Variants in PDE3A observed in about 807,000 individuals in gnomAD.
PDE3A encodes cGMP-inhibited 3',5'-cyclic phosphodiesterase 3A.
In PDE3A, 43 loss-of-function variants were observed where a neutral mutation model predicts 98.3. The ratio of observed to expected loss-of-function variants is 0.44; its 90% CI spans 0.34 to 0.56. The LOEUF (loss-of-function observed/expected upper bound fraction) is 0.56, where lower values mean the gene tolerates loss of function less well. PDE3A is among the 20% of genes least tolerant of loss of function. PDE3A has a pLI of 0.01. For synonymous variants in PDE3A, 663 were observed against 567.9 expected (o/e 1.17, Z -2.38); for missense variants, 1,427 against 1,440.7 (o/e 0.99, Z 0.15).
intron 1 of PDE3A, among the ~76,000 whole-genome samples, chr12:20,500,528 A>T (rs1375937939): frequency 6.6e-6 from 1 of 151,892 alleles, no homozygotes; most frequent in African/African-American, 2.4e-5. Flanking sequence ...GACTTCAAAT[A>T]TTTTCTTCCA....
intron 14 of PDE3A, among the ~76,000 whole-genome samples, chr12:20,651,601 T>A (rs1239627332): frequency 6.6e-6 from 1 of 152,142 alleles, no homozygotes; most frequent in Non-Finnish European, 1.5e-5. Context: ...GGAGGTAGTG[T>A]TCAGGTCAAT....
intron 1 of PDE3A, among the ~76,000 whole-genome samples, chr12:20,487,664 AT>A (rs764290403): frequency 0.21 from 26,800 of 129,818 alleles, 2,641 homozygotes; most frequent in Admixed American, 0.31. Flanking sequence ...AGAAAAAAAA[AT>A]AAATAAATAA....
At chr12:20,413,066 G>C (rs1467218689) in intron 1 of PDE3A, among the ~76,000 whole-genome samples, 1 of 152,180 alleles carries the variant, frequency 6.6e-6, no homozygotes, top group African/African-American at 2.4e-5. Flanking sequence ...ACACTATTCT[G>C]TCCTTTTGGA....
intron 1 of PDE3A, among the ~76,000 whole-genome samples, chr12:20,469,975 C>T (rs1945408205): frequency 6.6e-6 from 1 of 152,168 alleles, no homozygotes; most frequent in African/African-American, 2.4e-5. Flanking sequence ...CATTCTCTGC[C>T]AATAATGACT....
At chr12:20,667,080 A>G (rs1945333359) in intron 15 of PDE3A, among the ~76,000 whole-genome samples, 1 of 152,096 alleles carries the variant, frequency 6.6e-6, no homozygotes, top group Non-Finnish European at 1.5e-5. Context: ...TTTTCTTTTC[A>G]GAAATGTCTA....
At chr12:20,665,887 C>T (rs1475485631) in intron 15 of PDE3A, among the ~76,000 whole-genome samples, 1 of 150,744 alleles carries the variant, frequency 6.6e-6, no homozygotes, top group East Asian at 1.9e-4. Flanking sequence ...TGATATTTTG[C>T]TACATTCATC....
chr12:20,516,268 C>T (rs1946322365), intron 1 of PDE3A, among the ~76,000 whole-genome samples: 1 of 152,114 alleles, frequency 6.6e-6, no homozygotes, highest in Non-Finnish European at 1.5e-5. Context: ...GATAGTGATA[C>T]CTCCAGGTCT....
chr12:20,408,212 C>T (rs1447931980), intron 1 of PDE3A, among the ~76,000 whole-genome samples: 1 of 152,090 alleles, frequency 6.6e-6, no homozygotes. Context: ...AGCCACCATG[C>T]CTGGCCAATG....
Position 20,613,624 on chromosome 12 carries a change from T to C in PDE3A, c.1193T>C (p.Val398Ala), listed in dbSNP as rs1943924132. Reference sequence around the variant, plus strand: ...ATTCACAAGCCCAGAGTGAATCCCGTCACTTCGCTCAGTGAAAACTATACC... The same window carrying C: ...ATTCACAAGCCCAGAGTGAATCCCGCCACTTCGCTCAGTGAAAACTATACC... ...QAIHKPRVNPVTSLSENYTCS... is the reference protein window; with the variant it reads ...QAIHKPRVNPATSLSENYTCS... Residue 398 changes from valine (V) to alanine (A), a missense_variant, in exon 3 of 16, where the codon GTC becomes GCC. By Grantham distance (64) the Val-to-Ala change is moderately conservative. Coordinates refer to ENST00000359062, the MANE Select transcript of PDE3A (RefSeq NM_000921.5). The C allele has an allele frequency of 6.2e-7, 1 of 1,613,430 alleles. No individual in the cohort carries two copies. The highest frequency in any genetic ancestry group is 8.5e-7 in the Non-Finnish European group (1 of 1,179,334).
intron 1 of PDE3A, among the ~76,000 whole-genome samples, chr12:20,408,500 A>G (rs1289922693): frequency 6.6e-6 from 1 of 152,208 alleles, no homozygotes; most frequent in African/African-American, 2.4e-5. Flanking sequence ...CTTCACAGAA[A>G]ATTGACTGAA....
intron 1 of PDE3A, among the ~76,000 whole-genome samples, chr12:20,377,157 G>T (rs77795999): frequency 8.0e-4 from 121 of 151,726 alleles, no homozygotes; most frequent in Middle Eastern, 3.4e-3. Flanking sequence ...AAATTGCTTT[G>T]GTTGTATCAA....
intron 1 of PDE3A, among the ~76,000 whole-genome samples, chr12:20,532,498 A>G (rs1341540109): frequency 1.3e-5 from 2 of 152,198 alleles, no homozygotes; most frequent in African/African-American, 2.4e-5. Flanking sequence ...GAATAAATCT[A>G]TCCATTTACC....
chr12:20,369,851 C>G lies in PDE3A; in HGVS notation c.567C>G (p.Pro189=). ...GGGAGGATCACTTACTCTCACTCCC[C>G]GCCGCGGGGGTGGTGCTCAGCTGCT... ...GVGEDHLLSL[P]AAGVVLSCLA... The change falls in exon 1 of 16, where the codon CCC becomes CCG. Residue 189 remains proline (P), a synonymous_variant. Coordinates refer to ENST00000359062, the MANE Select transcript of PDE3A (RefSeq NM_000921.5). 1 of 1,612,042 alleles carries G rather than the reference C, an allele frequency of 6.2e-7. No homozygotes were observed. Among genetic ancestry groups the G allele is most frequent in the South Asian group, 1.1e-5 (1 of 90,970 alleles).
chr12:20,571,004 GTT>G (rs1942791379), intron 2 of PDE3A, among the ~76,000 whole-genome samples: 2 of 152,154 alleles, frequency 1.3e-5, no homozygotes, highest in African/African-American at 4.8e-5. Flanking sequence ...CTTTTAAGAA[GTT>G]TCCCAGGTGA....
At chr12:20,431,497 A>T (rs2120802453) in intron 1 of PDE3A, among the ~76,000 whole-genome samples, 1 of 152,108 alleles carries the variant, frequency 6.6e-6, no homozygotes, top group South Asian at 2.1e-4. Flanking sequence ...TATGTTTAAG[A>T]TGGGGGCATT....
intron 2 of PDE3A, among the ~76,000 whole-genome samples, chr12:20,601,205 T>C (rs1943582813): frequency 6.6e-6 from 1 of 152,070 alleles, no homozygotes; most frequent in African/African-American, 2.4e-5. Flanking sequence ...ATGCAAGGTT[T>C]CTCAAAAGGT....
intron 15 of PDE3A, among the ~76,000 whole-genome samples, chr12:20,666,511 T>C: frequency 6.7e-6 from 1 of 149,288 alleles, no homozygotes; most frequent in East Asian, 2.0e-4. Flanking sequence ...AGCTCCCACA[T>C]AAGAGTGAGA....
At chr12:20,557,111 T>C (rs1555160793) in intron 2 of PDE3A, 1 of 178,470 alleles carries the variant, frequency 5.6e-6, no homozygotes, top group Non-Finnish European at 1.2e-5. Flanking sequence ...TCTGAACTAA[T>C]TACAAGATTT....
rs373945319 is a variant in PDE3A, at chr12:20,470,901, T to C, written c.961-85759T>C. On this transcript the variant is annotated intron_variant, in intron 1 of 15. Transcript: ENST00000359062. ...GTGGGCCCTCGTAATGGGATTAGTGTGTTTATAAGAAGAGACACCAGAGAG... is the reference window on the plus strand; with the variant it reads ...GTGGGCCCTCGTAATGGGATTAGTGCGTTTATAAGAAGAGACACCAGAGAG... Among the ~76,000 whole-genome samples the C allele has an allele frequency of 7.2e-5, 11 of 151,944 alleles. No individual in the cohort carries two copies. The East Asian group carries it at 1.9e-3, about 27-fold the overall frequency.
Sources: allele counts gnomAD v4.1 joint callset (sites outside exome capture counted in the v4.1 genomes callset), GRCh38; gene constraint gnomAD v4.1.1; transcripts MANE v1.5; gene names NCBI Gene and HGNC (gene_info 2026-07-23, HGNC 2026-07-21).